Variants in ENPP3 observed in about 807,000 individuals in gnomAD.
ENPP3 encodes the protein ectonucleotide pyrophosphatase/phosphodiesterase family member 3.
ENPP3 carries 104 observed loss-of-function variants against 117.8 expected under a neutral mutation model. That is an observed-to-expected ratio of 0.88 (90% CI 0.75 to 1.04). The LOEUF is 1.04. Among genes scored for constraint, ENPP3 ranks in the 50% least tolerant of loss-of-function variants. The pLI is 0.00. For missense variants in ENPP3, 1,026 were observed against 1,051.9 expected (o/e 0.98, Z 0.34); for synonymous variants, 380 against 349.9 (o/e 1.09, Z -0.96).
intron 1 of ENPP3, chr6:131,638,402 C>A: frequency 2.5e-6 from 1 of 392,788 alleles, no homozygotes; most frequent in South Asian, 1.9e-5. Flanking sequence ...CTTAAGAAAT[C>A]TCATGTTCTC....
chr6:131,659,508 T>C (rs1778454438), intron 6 of ENPP3, among the ~76,000 whole-genome samples: 1 of 152,186 alleles, frequency 6.6e-6, no homozygotes, highest in South Asian at 2.1e-4. Flanking sequence ...CTTCAAGTTA[T>C]TAAAAATAGC....
intron 17 of ENPP3, among the ~76,000 whole-genome samples, chr6:131,721,012 A>G (rs1007333640): frequency 1.3e-5 from 2 of 152,210 alleles, no homozygotes; most frequent in Non-Finnish European, 2.9e-5. Flanking sequence ...AAACTTACCT[A>G]AAAACACAAA....
intron 15 of ENPP3, among the ~76,000 whole-genome samples, chr6:131,701,917 C>G (rs1314209382): frequency 4.7e-5 from 7 of 148,822 alleles, no homozygotes; most frequent in Non-Finnish European, 7.4e-5. Context: ...AAAAAAAACG[C>G]GTGCACACGT....
chr6:131,685,520 A>C (rs1335897497), intron 13 of ENPP3, 25 bp downstream of exon 13: 12 of 1,605,018 alleles, frequency 7.5e-6, no homozygotes, highest in Non-Finnish European at 1.0e-5. Context: ...ACCTATATGA[A>C]AAAAAGGGTA....
chr6:131,690,162 G>T (rs1349966883), intron 14 of ENPP3, among the ~76,000 whole-genome samples: 2 of 152,344 alleles, frequency 1.3e-5, no homozygotes, highest in East Asian at 3.9e-4. Flanking sequence ...GGCTAAAGCA[G>T]CAGCTTTGAG....
intron 20 of ENPP3, among the ~76,000 whole-genome samples, chr6:131,727,555 CAAAAAAA>C (rs773470669): frequency 1.9e-5 from 1 of 52,264 alleles, no homozygotes; most frequent in South Asian, 7.1e-4. Flanking sequence ...AAGTCCATCT[CAAAAAAA>C]AAAAAAAAAA....
intron 1 of ENPP3, 52 bp from the exon 2 acceptor site, chr6:131,641,403 C>T: frequency 5.0e-6 from 6 of 1,200,038 alleles, no homozygotes; most frequent in Non-Finnish European, 7.3e-6. Flanking sequence ...TTATTTGTAT[C>T]TTTGTAATTT....
intron 5 of ENPP3, among the ~76,000 whole-genome samples, chr6:131,653,497 C>T (rs1778309814): frequency 6.6e-6 from 1 of 152,048 alleles, no homozygotes; most frequent in Non-Finnish European, 1.5e-5. Context: ...GGTAATACTC[C>T]AAAGTTCTTA....
At chr6:131,671,976 A>G (rs908832208) in intron 7 of ENPP3, among the ~76,000 whole-genome samples, 1 of 152,198 alleles carries the variant, frequency 6.6e-6, no homozygotes, top group African/African-American at 2.4e-5. Context: ...TTAATCTTTT[A>G]TTACTATGGA....
intron 1 of ENPP3, among the ~76,000 whole-genome samples, chr6:131,639,759 T>C (rs977155672): frequency 6.6e-6 from 1 of 152,166 alleles, no homozygotes; most frequent in Non-Finnish European, 1.5e-5. Context: ...TAGTTTAAGA[T>C]ACATGTGCAC....
chr6:131,732,074 C>T (rs1780293251), intron 20 of ENPP3, among the ~76,000 whole-genome samples: 1 of 152,194 alleles, frequency 6.6e-6, no homozygotes, highest in Non-Finnish European at 1.5e-5. Context: ...GTGAATTGAA[C>T]TCAGAGGTTT....
Position 131,685,440 on chromosome 6 carries a change from C to T in ENPP3, c.1197C>T (p.Tyr399=), listed in dbSNP as rs148138275. 4.5e-5 allele frequency: 72 copies of T among 1,613,612 alleles called. No individual in the cohort carries two copies. The highest frequency in any genetic ancestry group is 5.3e-5 in the African/African-American group (4 of 74,896). ...CCAGAATAAACTTCTTCTACATGTA[C>T]GAAGGGCCTGCCCCCCGCATCCGAG... is the stretch of plus-strand genomic sequence containing the variant. ...YFPRINFFYM[Y]EGPAPRIRAH... The change falls in exon 13 of 25, where the codon TAC becomes TAT. Residue 399 remains tyrosine, a synonymous_variant. Coordinates refer to ENST00000357639, the MANE Select transcript of ENPP3 (RefSeq NM_005021.5).
chr6:131,726,786 G>T (rs1376495981), intron 20 of ENPP3, among the ~76,000 whole-genome samples: 1 of 152,266 alleles, frequency 6.6e-6, no homozygotes, highest in African/African-American at 2.4e-5. Context: ...CCTCTTCACT[G>T]TCTGGCATAT....
At chr6:131,667,797 A>G (rs1778649102) in intron 6 of ENPP3, among the ~76,000 whole-genome samples, 1 of 152,096 alleles carries the variant, frequency 6.6e-6, no homozygotes, top group South Asian at 2.1e-4. Flanking sequence ...GTGGCTATTG[A>G]ATGATTGTGT....
Position 131,652,552 on chromosome 6 carries a change from G to T in ENPP3, c.288G>T (p.Trp96Cys). 1.2e-6 allele frequency: 2 copies of T among 1,614,008 alleles called. No individual in the cohort carries two copies. The highest frequency in any genetic ancestry group is 2.2e-5 in the South Asian group (2 of 91,078). ...TGTATCGTTTTACAGCTCGAATATGGATGTGCAATAAATTTCGTTGTGGAG... is the reference window on the plus strand; with the variant it reads ...TGTATCGTTTTACAGCTCGAATATGTATGTGCAATAAATTTCGTTGTGGAG... ...EDTCVESTRIWMCNKFRCGET... is the reference protein window; with the variant it reads ...EDTCVESTRICMCNKFRCGET... Residue 96 changes from tryptophan to cysteine, a missense_variant, in exon 4 of 25, where the codon TGG becomes TGT. Transcript: ENST00000357639.
intron 20 of ENPP3, among the ~76,000 whole-genome samples, chr6:131,733,153 TAA>T (rs1169725866): frequency 6.6e-6 from 1 of 152,218 alleles, no homozygotes; most frequent in Non-Finnish European, 1.5e-5. Context: ...CTTAGGTTGA[TAA>T]AAAGTTCTTG....
At chr6:131,661,393 T>G (rs1425806136) in intron 6 of ENPP3, among the ~76,000 whole-genome samples, 3 of 151,980 alleles carry the variant, frequency 2.0e-5, no homozygotes, top group Non-Finnish European at 4.4e-5. Flanking sequence ...GTTTTTGGGG[T>G]TTTTTTGATA....
At chr6:131,741,778 T>C (rs778903480) in intron 24 of ENPP3, among the ~76,000 whole-genome samples, 4 of 152,102 alleles carry the variant, frequency 2.6e-5, no homozygotes, top group Non-Finnish European at 5.9e-5. Flanking sequence ...CATTTTAAGT[T>C]TGTGGAAATG....
chr6:131,677,239 TAA>T (rs923953456), intron 10 of ENPP3, among the ~76,000 whole-genome samples: 4 of 151,880 alleles, frequency 2.6e-5, no homozygotes, highest in African/African-American at 9.7e-5. Flanking sequence ...CTCTCAAAAA[TAA>T]AAAAAGAAAT....
Sources: gnomAD v4.1 joint callset for allele counts (sites outside exome capture counted in the v4.1 genomes callset) on GRCh38, gnomAD v4.1.1 for gene constraint, MANE v1.5 for transcripts, NCBI Gene and HGNC (gene_info 2026-07-23, HGNC 2026-07-21) for gene names.